The following ATG5 variants were observed in gnomAD, a reference collection of about 807,000 sequenced individuals.
ATG5 encodes autophagy related 5.
Under a neutral mutation model 36.5 loss-of-function variants are expected in ATG5, and 14 were observed. That is an observed-to-expected ratio of 0.38 (90% CI 0.25 to 0.60). The LOEUF (loss-of-function observed/expected upper bound fraction) is 0.60, where lower values mean the gene tolerates loss of function less well. Ranked by LOEUF, ATG5 falls within the 20% of genes least tolerant of loss-of-function variation. ATG5 has a pLI of 0.60. For missense variants in ATG5, 195 were observed against 326.7 expected (o/e 0.60, Z 3.11); for synonymous variants, 95 against 101.5 (o/e 0.94, Z 0.38).
intron 5 of ATG5, among the ~76,000 whole-genome samples, chr6:106,271,407 A>C (rs1779447594): frequency 6.6e-6 from 1 of 152,228 alleles, no homozygotes; most frequent in Admixed American, 6.5e-5. Flanking sequence ...AACAGACCCC[A>C]GAGAAAGCTC....
chr6:106,288,597 A>G (rs1277807740), intron 4 of ATG5, among the ~76,000 whole-genome samples: 1 of 152,198 alleles, frequency 6.6e-6, no homozygotes, highest in Non-Finnish European at 1.5e-5. Context: ...TAACTTTTAG[A>G]TCTTCATTGT....
intron 5 of ATG5, among the ~76,000 whole-genome samples, chr6:106,270,926 C>A (rs1484629703): frequency 1.3e-5 from 2 of 152,108 alleles, no homozygotes; most frequent in Non-Finnish European, 2.9e-5. Context: ...TAAAATAAGC[C>A]CCAAATTTAC....
intron 2 of ATG5, among the ~76,000 whole-genome samples, chr6:106,315,224 A>G (rs62422887): frequency 6.6e-6 from 1 of 152,238 alleles, no homozygotes; most frequent in Non-Finnish European, 1.5e-5. Flanking sequence ...CAAAGGGCAG[A>G]CTTCATTAAA....
intron 3 of ATG5, among the ~76,000 whole-genome samples, chr6:106,300,953 GTTCTAAAT>G (rs1253052943): frequency 4.6e-5 from 7 of 152,068 alleles, no homozygotes; most frequent in Non-Finnish European, 7.4e-5. Context: ...TGAGAAGCTT[GTTCTAAAT>G]TTCGTGCTTG....
At chr6:106,216,569 C>A (rs1340228042) in intron 6 of ATG5, among the ~76,000 whole-genome samples, 1 of 152,082 alleles carries the variant, frequency 6.6e-6, no homozygotes, top group African/African-American at 2.4e-5. Context: ...TTGCCAAGGG[C>A]TGGAGGGAGG....
At chr6:106,291,970 G>C (rs960434222) in intron 4 of ATG5, among the ~76,000 whole-genome samples, 5 of 152,196 alleles carry the variant, frequency 3.3e-5, no homozygotes, top group Non-Finnish European at 7.3e-5. Flanking sequence ...GGAAGGAAAA[G>C]CATCACATGA....
At chr6:106,299,966 T>C (rs1423356400) in intron 3 of ATG5, among the ~76,000 whole-genome samples, 1 of 152,184 alleles carries the variant, frequency 6.6e-6, no homozygotes, top group Non-Finnish European at 1.5e-5. Flanking sequence ...CCAAAGTAAT[T>C]TGATGATTGC....
intron 2 of ATG5, among the ~76,000 whole-genome samples, chr6:106,311,505 G>T (rs1002782929): frequency 9.2e-5 from 14 of 152,154 alleles, no homozygotes; most frequent in Non-Finnish European, 1.9e-4. Flanking sequence ...TTTCCAAACA[G>T]GGGACACTGC....
At chr6:106,238,700 A>T (rs1326561761) in intron 6 of ATG5, among the ~76,000 whole-genome samples, 4 of 152,238 alleles carry the variant, frequency 2.6e-5, no homozygotes, top group Non-Finnish European at 2.9e-5. Context: ...TTCGACCAAG[A>T]GCCCTGCCAG....
At chr6:106,193,008 C>G (rs1234275850) in intron 7 of ATG5, among the ~76,000 whole-genome samples, 3 of 152,142 alleles carry the variant, frequency 2.0e-5, no homozygotes, top group Middle Eastern at 3.2e-3. Context: ...AGGGTTAAAC[C>G]AAGCCAGGAT....
chr6:106,286,158 G>A (rs1780070312), intron 4 of ATG5, among the ~76,000 whole-genome samples: 1 of 152,108 alleles, frequency 6.6e-6, no homozygotes, highest in Non-Finnish European at 1.5e-5. Context: ...CGTACACTTT[G>A]GCTCCTCCTT....
rs901580855 is a variant in ATG5 at position 106,310,682 on chromosome 6, C to T, written c.109-2191G>A. The stretch of plus-strand genomic sequence containing the variant: ...TTCATCATGCTAAATGGAAACTGTA[C>T]GTATTAAACAGTAGCTCCCCATTCC... On this transcript the variant is annotated intron_variant, in intron 2 of 7. Transcript: ENST00000369076. Among the ~76,000 whole-genome samples the T allele has an allele frequency of 3.3e-5, 5 of 152,078 alleles. No homozygotes were observed. In the South Asian group the frequency reaches 8.3e-4, roughly 25 times the overall value.
chr6:106,231,128 G>A (rs1309893106), intron 6 of ATG5, among the ~76,000 whole-genome samples: 1 of 152,104 alleles, frequency 6.6e-6, no homozygotes, highest in Non-Finnish European at 1.5e-5. Flanking sequence ...CCAAGCGGTG[G>A]GAGGAGAATT....
At chr6:106,290,690 C>T (rs1780269439) in intron 4 of ATG5, among the ~76,000 whole-genome samples, 1 of 152,186 alleles carries the variant, frequency 6.6e-6, no homozygotes, top group Admixed American at 6.5e-5. Flanking sequence ...ATTAAGATTT[C>T]TTATTCTAAT....
intron 5 of ATG5, among the ~76,000 whole-genome samples, chr6:106,250,995 C>T (rs1778552991): frequency 6.6e-6 from 1 of 152,272 alleles, no homozygotes. Flanking sequence ...ATACGCAAGT[C>T]TCTCAGCAAG....
At chr6:106,300,079 C>CA (rs1451198755) in intron 3 of ATG5, among the ~76,000 whole-genome samples, 2 of 152,136 alleles carry the variant, frequency 1.3e-5, no homozygotes, top group Non-Finnish European at 2.9e-5. Flanking sequence ...TGAAAAAGTT[C>CA]AAAAATAATG....
chr6:106,279,615 A>AAG (rs1394869911), intron 5 of ATG5, 46 bp downstream of exon 5: 16 of 1,361,124 alleles, frequency 1.2e-5, no homozygotes, highest in Non-Finnish European at 1.6e-5. Context: ...TGGCTGTATC[A>AAG]TATTTTATAA....
intron 4 of ATG5, among the ~76,000 whole-genome samples, chr6:106,283,106 T>C (rs148192581): frequency 1.2e-4 from 19 of 152,262 alleles, no homozygotes; most frequent in African/African-American, 3.6e-4. Context: ...GGATTGAGAT[T>C]TGAATGTTGA....
intron 6 of ATG5, among the ~76,000 whole-genome samples, chr6:106,226,689 C>G (rs531697026): frequency 4.6e-5 from 7 of 152,154 alleles, no homozygotes; most frequent in Non-Finnish European, 7.4e-5. Context: ...TATATCAGCT[C>G]TTTTTACTCA....
Sources: allele counts gnomAD v4.1 joint callset (sites outside exome capture counted in the v4.1 genomes callset), GRCh38; gene constraint gnomAD v4.1.1; transcripts MANE v1.5; gene names NCBI Gene and HGNC (gene_info 2026-07-23, HGNC 2026-07-21).